The following NLGN1 variants were observed in gnomAD, a reference collection of about 807,000 sequenced individuals.
NLGN1 encodes neuroligin-1.
Under a neutral mutation model 65.5 loss-of-function variants are expected in NLGN1, and 12 were observed. The observed-to-expected ratio is 0.18, with a 90% CI of 0.12 to 0.30. NLGN1 has a LOEUF of 0.30. NLGN1 is among the 10% of genes least tolerant of loss of function. The pLI is 1.00. For missense variants in NLGN1, 750 were observed against 1,007.1 expected, an observed-to-expected ratio of 0.74 and a Z score of 3.46; for synonymous variants, 350 against 359.5, an observed-to-expected ratio of 0.97 and a Z score of 0.30.
At chr3:174,267,503 T>C (rs926552318) in intron 4 of NLGN1, among the ~76,000 whole-genome samples, 2 of 152,144 alleles carry the variant, frequency 1.3e-5, no homozygotes. Context: ...TGGGGGAATC[T>C]CAAGAGTCTC....
chr3:173,828,108 G>C (rs1393703764), intron 4 of NLGN1, among the ~76,000 whole-genome samples: 3 of 151,810 alleles, frequency 2.0e-5, no homozygotes, highest in East Asian at 1.9e-4. Context: ...GAAAACTAAA[G>C]GATATTTTAT....
chr3:173,825,835 T>C (rs969375007), intron 4 of NLGN1, among the ~76,000 whole-genome samples: 3 of 152,124 alleles, frequency 2.0e-5, no homozygotes, highest in African/African-American at 7.2e-5. Flanking sequence ...ATCACTAAGA[T>C]AGCCTAATCC....
At chr3:173,842,423 G>T (rs1724969364) in intron 4 of NLGN1, among the ~76,000 whole-genome samples, 1 of 152,100 alleles carries the variant, frequency 6.6e-6, no homozygotes, top group South Asian at 2.1e-4. Context: ...GAAGTCCACA[G>T]TCCAAAGTCT....
chr3:174,273,466 A>G (rs1749880260), intron 4 of NLGN1, among the ~76,000 whole-genome samples: 1 of 151,678 alleles, frequency 6.6e-6, no homozygotes, highest in Admixed American at 6.6e-5. Context: ...TCTGTCTTAT[A>G]CCAAAGTTCA....
intron 4 of NLGN1, chr3:174,202,654 C>T (rs1186620684): frequency 6.6e-6 from 1 of 152,114 alleles, no homozygotes; most frequent in African/African-American, 2.4e-5. Context: ...GCCTTAAACT[C>T]ATAATCCTGA....
chr3:173,521,324 T>C (rs568974405), intron 2 of NLGN1, among the ~76,000 whole-genome samples: 1 of 152,276 alleles, frequency 6.6e-6, no homozygotes, highest in East Asian at 1.9e-4. Flanking sequence ...ATGAAGATAT[T>C]TGAGACTTTG....
intron 4 of NLGN1, among the ~76,000 whole-genome samples, chr3:173,915,774 C>G (rs1465249986): frequency 6.6e-6 from 1 of 150,844 alleles, no homozygotes; most frequent in African/African-American, 2.5e-5. Context: ...CATTGAATAG[C>G]CTTTTTCTTT....
chr3:173,459,478 G>GCTA (rs1257806381), intron 2 of NLGN1, among the ~76,000 whole-genome samples: 3 of 152,014 alleles, frequency 2.0e-5, no homozygotes. Context: ...TTAATCAGAG[G>GCTA]CTACACATGC....
At chr3:174,092,189 G>A (rs1331773425) in intron 4 of NLGN1, among the ~76,000 whole-genome samples, 1 of 152,182 alleles carries the variant, frequency 6.6e-6, no homozygotes, top group Non-Finnish European at 1.5e-5. Flanking sequence ...ACTCTTCAGA[G>A]CTTGTAAGAC....
Position 174,134,595 on chromosome 3 carries a change from G to A in NLGN1, c.647-140720G>A, listed in dbSNP as rs143967824. Among the ~76,000 whole-genome samples, 13 of 152,202 alleles carry A rather than the reference G, an allele frequency of 8.5e-5. 1 individual carries two copies. The highest frequency in any genetic ancestry group is 2.9e-4 in the African/African-American group (12 of 41,536). On this transcript the variant is annotated intron_variant, in intron 4 of 6. Coordinates refer to ENST00000457714, the Ensembl canonical transcript of NLGN1. The stretch of plus-strand genomic sequence containing the variant: ...GTGGGTGCCCAAAATGACATTACAT[G>A]AAGAGGCTGAAGCATGTGAAGTAGT...
chr3:174,014,554 C>T (rs1363742836), intron 4 of NLGN1, among the ~76,000 whole-genome samples: 1 of 152,110 alleles, frequency 6.6e-6, no homozygotes, highest in East Asian at 1.9e-4. Context: ...TACCATCTTC[C>T]CATATTAGGT....
chr3:173,934,263 A>G (rs1744661082), intron 4 of NLGN1, among the ~76,000 whole-genome samples: 1 of 148,842 alleles, frequency 6.7e-6, no homozygotes, highest in East Asian at 1.9e-4. Flanking sequence ...ATAATACTAT[A>G]TAGTATTAAT....
intron 4 of NLGN1, among the ~76,000 whole-genome samples, chr3:173,983,257 A>G (rs920680128): frequency 2.0e-5 from 3 of 152,186 alleles, no homozygotes; most frequent in Non-Finnish European, 4.4e-5. Context: ...GTCAAATGCC[A>G]TAAGCTAGAA....
chr3:173,425,444 C>T (rs1373890397), intron 1 of NLGN1, among the ~76,000 whole-genome samples: 1 of 151,754 alleles, frequency 6.6e-6, no homozygotes, highest in Non-Finnish European at 1.5e-5. Flanking sequence ...AAAATGTTTT[C>T]CCAGTGTTTT....
At chr3:174,112,013 T>C (rs1239777450) in intron 4 of NLGN1, among the ~76,000 whole-genome samples, 3 of 151,976 alleles carry the variant, frequency 2.0e-5, no homozygotes, top group African/African-American at 7.2e-5. Context: ...GCCAGCAAGA[T>C]GATTATGTGA....
At chr3:173,503,628 A>G (rs573058260) in intron 2 of NLGN1, among the ~76,000 whole-genome samples, 1 of 152,170 alleles carries the variant, frequency 6.6e-6, no homozygotes, top group African/African-American at 2.4e-5. Context: ...GCTGTTACAG[A>G]CCAGACATCC....
rs58155555 is a variant in NLGN1 at position 173,452,057 on chromosome 3, C to T, written c.-321+16979C>T. Reference sequence around the variant, plus strand: ...TTCGGCTCACGCACAGTGCACTGCACCCTCTGTCCTGCACCCACTGTCTGG... The same window carrying T: ...TTCGGCTCACGCACAGTGCACTGCATCCTCTGTCCTGCACCCACTGTCTGG... On this transcript the variant is annotated intron_variant, in intron 2 of 6. Coordinates refer to ENST00000457714, the Ensembl canonical transcript of NLGN1. Among the ~76,000 whole-genome samples the T allele has an allele frequency of 9.4e-3, 1,436 of 152,304 alleles. 19 individuals carry two copies. The highest frequency in any genetic ancestry group is 0.032 in the African/African-American group (1,335 of 41,560).
chr3:173,867,020 C>T (rs1302694686), intron 4 of NLGN1, among the ~76,000 whole-genome samples: 4 of 152,106 alleles, frequency 2.6e-5, no homozygotes, highest in Admixed American at 2.0e-4. Context: ...CAGCCATAAA[C>T]GGCATAGTAC....
At chr3:173,939,017 A>T (rs1745523776) in intron 4 of NLGN1, among the ~76,000 whole-genome samples, 1 of 152,202 alleles carries the variant, frequency 6.6e-6, no homozygotes, top group Admixed American at 6.5e-5. Flanking sequence ...AATTGAAAAA[A>T]ATATTTTAAA....
Sources: gnomAD v4.1 joint callset for allele counts (sites outside exome capture counted in the v4.1 genomes callset) on GRCh38, gnomAD v4.1.1 for gene constraint, MANE v1.5 for transcripts, NCBI Gene and HGNC (gene_info 2026-07-23, HGNC 2026-07-21) for gene names.